FILIP1L: variants seen among roughly 807,000 people sequenced by gnomAD.
The protein encoded by FILIP1L is filamin A-interacting protein 1-like.
A neutral mutation model predicts 96.6 loss-of-function variants in FILIP1L; 55 were observed. The ratio of observed to expected loss-of-function variants is 0.57; its 90% confidence interval spans 0.46 to 0.71. The LOEUF is 0.71. Among genes scored for constraint, FILIP1L ranks in the 30% least tolerant of loss-of-function variants. The pLI is 0.00. For missense variants in FILIP1L, 1,304 were observed against 1,321.2 expected, an observed-to-expected ratio of 0.99 and a Z score of 0.20; for synonymous variants, 467 against 473.9, an observed-to-expected ratio of 0.99 and a Z score of 0.19.
intron 4 of FILIP1L, among the ~76,000 whole-genome samples, chr3:99,880,603 A>G (rs1705693180): frequency 1.3e-5 from 2 of 152,176 alleles, no homozygotes; most frequent in South Asian, 4.1e-4. Context: ...GGGAATGGGA[A>G]GTCCTTTGTT....
chr3:100,059,961 T>C (rs1413746648), intron 1 of FILIP1L, among the ~76,000 whole-genome samples: 1 of 151,266 alleles, frequency 6.6e-6, no homozygotes, highest in African/African-American at 2.4e-5. Context: ...AAATCACATA[T>C]GTATGAAATG....
At position 99,929,937 on chromosome 3, in the gene FILIP1L, C is replaced by T; in HGVS notation, c.345G>A (p.Val115=). The T allele has an allele frequency of 6.2e-7, 1 of 1,614,138 alleles. No homozygotes were observed. The highest frequency in any genetic ancestry group is 8.5e-7 in the Non-Finnish European group (1 of 1,179,992). Residue 115 remains valine (V), a synonymous_variant, in exon 3 of 6, where the codon GTG becomes GTA. Coordinates refer to ENST00000477258, the MANE Select transcript of FILIP1L (RefSeq NM_001387850.1). ...AAGCATCTCTCTGGAGAGCCTCTAA[C>T]ACCTTTTTTGGAGTGACAAACCCAT... ...AQYGFVTPKK[V]LEALQRDAFQ...
chr3:99,961,626 C>G (rs1708493447), intron 1 of FILIP1L, among the ~76,000 whole-genome samples: 1 of 152,094 alleles, frequency 6.6e-6, no homozygotes, highest in East Asian at 1.9e-4. Context: ...GGAAAGGCTC[C>G]TGGGAACCGA....
intron 1 of FILIP1L, among the ~76,000 whole-genome samples, chr3:99,984,060 T>TGTGTGTG (rs1559714079): frequency 1.2e-4 from 3 of 24,978 alleles, no homozygotes; most frequent in African/African-American, 4.6e-4. Context: ...GTATGTGTGT[T>TGTGTGTG]TGTGTGTGTG....
intron 1 of FILIP1L, among the ~76,000 whole-genome samples, chr3:99,996,782 G>A (rs1231279093): frequency 6.6e-6 from 1 of 151,748 alleles, no homozygotes; most frequent in African/African-American, 2.4e-5. Flanking sequence ...GAACAGTATG[G>A]GGAAAACCGG....
intron 4 of FILIP1L, among the ~76,000 whole-genome samples, chr3:99,858,614 T>C (rs1944090959): frequency 6.6e-6 from 1 of 152,254 alleles, no homozygotes; most frequent in African/African-American, 2.4e-5. Context: ...GCAACTAATG[T>C]CTGGCTTAAT....
intron 4 of FILIP1L, among the ~76,000 whole-genome samples, chr3:99,874,031 C>A (rs1469577100): frequency 6.6e-6 from 1 of 152,126 alleles, no homozygotes; most frequent in African/African-American, 2.4e-5. Flanking sequence ...GATAGGGTAT[C>A]CATGATAAGT....
At chr3:99,931,208 G>T (rs1274354653) in intron 1 of FILIP1L, among the ~76,000 whole-genome samples, 178 bp from the exon 2 acceptor site, 1 of 152,016 alleles carries the variant, frequency 6.6e-6, no homozygotes, top group Non-Finnish European at 1.5e-5. Context: ...AGTCTTATTT[G>T]CACTTCTGCT....
At position 100,074,033 on chromosome 3, in the gene FILIP1L, C is replaced by T. The variant is rs75572185; in HGVS notation, c.-11+40020G>A. ...TCAAGTAAAAGCAAGTCGTCTTCTA[C>T]TGTTAACTGCGGGAAAAGGTTTGTG... On this transcript the variant is annotated intron_variant, in intron 1 of 5. Coordinates refer to ENST00000477258, the MANE Select transcript of FILIP1L (RefSeq NM_001387850.1). 6.7e-3 allele frequency among the ~76,000 whole-genome samples: 1,026 copies of T among 152,298 alleles called. 15 individuals are homozygous for T. Among genetic ancestry groups the T allele is most frequent in the African/African-American group, 0.023 (972 of 41,570 alleles).
At chr3:100,079,946 CAA>C (rs1159426123) in intron 1 of FILIP1L, among the ~76,000 whole-genome samples, 3 of 151,868 alleles carry the variant, frequency 2.0e-5, no homozygotes, top group African/African-American at 7.3e-5. Context: ...TCATCTCTAA[CAA>C]AGGTTTTCAT....
chr3:100,094,781 T>A (rs956933640), intron 1 of FILIP1L, among the ~76,000 whole-genome samples: 5 of 147,142 alleles, frequency 3.4e-5, no homozygotes, highest in African/African-American at 7.5e-5. Flanking sequence ...CCTCCCGGGT[T>A]CATGCCATTC....
chr3:99,872,208 G>A (rs1944825167), intron 4 of FILIP1L, among the ~76,000 whole-genome samples: 1 of 149,456 alleles, frequency 6.7e-6, no homozygotes, highest in South Asian at 2.1e-4. Context: ...GAGGCATTTG[G>A]ATCAGATGAC....
intron 1 of FILIP1L, among the ~76,000 whole-genome samples, chr3:100,054,834 G>A (rs1233079403): frequency 6.6e-6 from 1 of 152,136 alleles, no homozygotes; most frequent in Non-Finnish European, 1.5e-5. Flanking sequence ...TGGTGTCACA[G>A]TTGAGTTCAG....
chr3:100,014,891 C>CTTTTTTT (rs1710284139), intron 1 of FILIP1L, among the ~76,000 whole-genome samples: 1 of 27,226 alleles, frequency 3.7e-5, no homozygotes, highest in Non-Finnish European at 6.9e-5. Context: ...TTTTTTCTTT[C>CTTTTTTT]TTTCTTTTTT....
Position 99,849,640 on chromosome 3 carries a change from T to C in FILIP1L, c.2036A>G (p.His679Arg). 2.5e-6 allele frequency: 4 copies of C among 1,613,468 alleles called. No homozygotes were observed. The highest frequency in any genetic ancestry group is 3.4e-6 in the Non-Finnish European group (4 of 1,179,980). Residue 679 changes from histidine to arginine, a missense_variant, in exon 5 of 6, where the codon CAT becomes CGT. His to Arg is a conservative substitution (Grantham distance 29, BLOSUM62 0). Transcript: ENST00000477258. ...KAQFLSKELE[H>R]VKMELAKYKL... ...GTACTTAGCAAGTTCCATTTTAACA[T>C]GTTCTAGCTCTTTAGATAAAAATTG...
chr3:99,874,199 G>T (rs1281709288), intron 4 of FILIP1L: 1 of 152,120 alleles, frequency 6.6e-6, no homozygotes, highest in African/African-American at 2.4e-5. Flanking sequence ...AAAAGACACT[G>T]GGAAACACAG....
chr3:99,905,402 C>T (rs1331008692), intron 4 of FILIP1L, among the ~76,000 whole-genome samples: 3 of 152,214 alleles, frequency 2.0e-5, no homozygotes, highest in Non-Finnish European at 4.4e-5. Flanking sequence ...TCTAATTGCT[C>T]TTACTAGGAC....
At chr3:99,911,733 G>A (rs1706795586) in intron 4 of FILIP1L, among the ~76,000 whole-genome samples, 3 of 152,096 alleles carry the variant, frequency 2.0e-5, no homozygotes, top group Non-Finnish European at 4.4e-5. Context: ...GAGCACTCTT[G>A]TACATGCCTC....
In FILIP1L at chr3:99,828,998, TCTC is replaced by T. The variant is rs1184048971; in HGVS notation, c.*1413_*1415del. ...AATGCTGCCCAGGCCTCTAGCTCCTTCTCCTCCTTGAAATTGCAGGGGCCTGGG... is the reference window on the plus strand; with the variant it reads ...AATGCTGCCCAGGCCTCTAGCTCCTTCTCCTTGAAATTGCAGGGGCCTGGG... On this transcript the variant is annotated 3_prime_UTR_variant, in exon 6 of 6. Coordinates refer to ENST00000477258, the MANE Select transcript of FILIP1L (RefSeq NM_001387850.1). Among the ~76,000 whole-genome samples the T allele has an allele frequency of 2.0e-5, 3 of 151,398 alleles. No homozygotes were observed. Among genetic ancestry groups the T allele is most frequent in the African/African-American group, 7.3e-5 (3 of 40,832 alleles).
Sources: allele counts gnomAD v4.1 joint callset (sites outside exome capture counted in the v4.1 genomes callset), GRCh38; gene constraint gnomAD v4.1.1; transcripts MANE v1.5; gene names NCBI Gene and HGNC (gene_info 2026-07-23, HGNC 2026-07-21).